NAPB: variants seen among roughly 807,000 people sequenced by gnomAD.
The protein encoded by NAPB is beta-soluble NSF attachment protein.
A neutral mutation model predicts 44.7 loss-of-function variants in NAPB; 26 were observed. The ratio of observed to expected loss-of-function variants is 0.58; its 90% confidence interval spans 0.43 to 0.81. The LOEUF (loss-of-function observed/expected upper bound fraction) is 0.81, where lower values mean the gene tolerates loss of function less well. NAPB is among the 30% of genes least tolerant of loss of function. NAPB has a pLI of 0.00. For synonymous variants in NAPB, 120 were observed against 116.8 expected (o/e 1.03, Z -0.18); for missense variants, 315 against 356.4 (o/e 0.88, Z 0.94).
In NAPB at chr20:23,396,098, T is replaced by C. The variant is rs578231487; in HGVS notation, c.296-913A>G. Among the ~76,000 whole-genome samples the C allele has an allele frequency of 2.5e-4, 38 of 152,382 alleles. 1 individual carries two copies. The South Asian group carries it at 6.8e-3, about 27-fold the overall frequency. ...CTCAGATGTACTTTCCTTTTGCGTT[T>C]ATTAGACACATTTCTATATGCACAA... On this transcript the variant is annotated intron_variant, in intron 3 of 10. Coordinates refer to ENST00000377026, the MANE Select transcript of NAPB (RefSeq NM_022080.3).
At chr20:23,414,063 C>T (rs1159071856) in intron 1 of NAPB, among the ~76,000 whole-genome samples, 1 of 152,192 alleles carries the variant, frequency 6.6e-6, no homozygotes, top group African/African-American at 2.4e-5. Flanking sequence ...TGGCTCATGC[C>T]TGTAATCCCA....
At chr20:23,405,804 T>C (rs138202300) in intron 1 of NAPB, among the ~76,000 whole-genome samples, 5 of 152,302 alleles carry the variant, frequency 3.3e-5, no homozygotes, top group African/African-American at 9.6e-5. Context: ...GGTATACACA[T>C]ACAATGGAAT....
At chr20:23,388,929 G>A (rs1037527030) in intron 7 of NAPB, among the ~76,000 whole-genome samples, 3 of 152,120 alleles carry the variant, frequency 2.0e-5, no homozygotes, top group Admixed American at 2.0e-4. Flanking sequence ...AGACTTCAGT[G>A]AATCAAAGGA....
chr20:23,405,879 AT>A (rs1454646192), intron 1 of NAPB, among the ~76,000 whole-genome samples: 1 of 152,172 alleles, frequency 6.6e-6, no homozygotes, highest in East Asian at 1.9e-4. Flanking sequence ...CAGTAGGCAA[AT>A]TTTTAGAGAC....
At chr20:23,389,628 C>T (rs1284390249) in intron 7 of NAPB, among the ~76,000 whole-genome samples, 1 of 152,144 alleles carries the variant, frequency 6.6e-6, no homozygotes, top group Non-Finnish European at 1.5e-5. Context: ...AGATGGCAGT[C>T]ACAAAAGGCC....
At chr20:23,416,719 A>AT in intron 1 of NAPB, among the ~76,000 whole-genome samples, 1 of 152,130 alleles carries the variant, frequency 6.6e-6, no homozygotes, top group Non-Finnish European at 1.5e-5. Context: ...GAGCCTAATA[A>AT]TTTTTTTAAA....
intron 2 of NAPB, among the ~76,000 whole-genome samples, chr20:23,401,149 T>G (rs6036400): frequency 0.079 from 12,067 of 152,068 alleles, 1,121 homozygotes; most frequent in African/African-American, 0.22. Context: ...GAACAGTACA[T>G]GCAAAGGCTC....
intron 7 of NAPB, among the ~76,000 whole-genome samples, chr20:23,382,177 A>G (rs1003900275): frequency 8.5e-5 from 13 of 152,268 alleles, no homozygotes; most frequent in Non-Finnish European, 1.8e-4. Context: ...GCAGAAACAG[A>G]TAAGGAGAGG....
intron 5 of NAPB, among the ~76,000 whole-genome samples, chr20:23,394,074 C>T (rs1386042610): frequency 6.6e-6 from 1 of 152,152 alleles, no homozygotes; most frequent in African/African-American, 2.4e-5. Context: ...TCAGTGGACC[C>T]ATGAAGGCTC....
chr20:23,385,763 A>G (rs201161859), intron 7 of NAPB, among the ~76,000 whole-genome samples: 4 of 149,178 alleles, frequency 2.7e-5, no homozygotes, highest in Admixed American at 6.7e-5. Context: ...GAAAGAGAGA[A>G]AGAGAGAGAG....
chr20:23,385,064 A>G (rs1600564526), intron 7 of NAPB, among the ~76,000 whole-genome samples: 1 of 152,062 alleles, frequency 6.6e-6, no homozygotes, highest in Non-Finnish European at 1.5e-5. Context: ...GGTTGCAGTG[A>G]GCCAAAATCA....
intron 1 of NAPB, among the ~76,000 whole-genome samples, chr20:23,418,994 A>G (rs1008405818): frequency 5.9e-5 from 9 of 152,076 alleles, no homozygotes; most frequent in African/African-American, 2.2e-4. Context: ...AATTCTGGAA[A>G]AGTTATCTGT....
At chr20:23,395,301 GA>G in intron 3 of NAPB, 116 bp from the exon 4 acceptor site, 1 of 1,073,046 alleles carries the variant, frequency 9.3e-7, no homozygotes. Context: ...TTTTGGAGTG[GA>G]GGGTGGGCAG....
At chr20:23,411,720 G>T (rs2037551917) in intron 1 of NAPB, among the ~76,000 whole-genome samples, 1 of 152,044 alleles carries the variant, frequency 6.6e-6, no homozygotes, top group East Asian at 1.9e-4. Flanking sequence ...TTTCTGGAGT[G>T]AACAAAATAA....
intron 2 of NAPB, 98 bp from the exon 3 acceptor site, chr20:23,397,286 T>G (rs757812404): frequency 2.8e-5 from 39 of 1,382,474 alleles, no homozygotes; most frequent in Non-Finnish European, 3.5e-5. Context: ...TATATTCCAC[T>G]GAAAAGAAGC....
At chr20:23,395,551 T>A (rs940461934) in intron 3 of NAPB, among the ~76,000 whole-genome samples, 8 of 152,184 alleles carry the variant, frequency 5.3e-5, no homozygotes, top group Admixed American at 2.6e-4. Flanking sequence ...GCAAACATAT[T>A]CCTCATTAAT....
intron 5 of NAPB, among the ~76,000 whole-genome samples, 170 bp downstream of exon 5, chr20:23,394,752 G>A (rs1984226935): frequency 6.6e-6 from 1 of 151,678 alleles, no homozygotes; most frequent in African/African-American, 2.4e-5. Context: ...TCCACTCCAG[G>A]AAAACAGCCC....
At position 23,390,038 on chromosome 20, in the gene NAPB, CAAG is replaced by C. The variant is rs1983834242; in HGVS notation, c.477-11_477-9del. The C allele has an allele frequency of 6.2e-7, 1 of 1,613,698 alleles. No individual in the cohort carries two copies. The highest frequency in any genetic ancestry group is 1.7e-5 in the Admixed American group (1 of 59,920). On this transcript the variant is annotated splice_polypyrimidine_tract_variant and intron_variant, in intron 6 of 10. Transcript: ENST00000377026. ...AGACACTTGTTTGCTGAGCTGAAAT[CAAG>C]AACCAAAGCAGAGTGAGTAACAAGT...
chr20:23,402,210 G>A (rs897774763), intron 2 of NAPB, among the ~76,000 whole-genome samples: 28 of 152,146 alleles, frequency 1.8e-4, no homozygotes, highest in South Asian at 6.2e-4. Flanking sequence ...TGTAGAGGGC[G>A]AGTCCCACTT....
Sources: allele counts gnomAD v4.1 joint callset (sites outside exome capture counted in the v4.1 genomes callset), GRCh38; gene constraint gnomAD v4.1.1; transcripts MANE v1.5; gene names NCBI Gene and HGNC (gene_info 2026-07-23, HGNC 2026-07-21).